ELF2: variants seen among roughly 807,000 people sequenced by gnomAD.
The protein encoded by ELF2 is E74 like ETS transcription factor 2.
Under a neutral mutation model 54.8 loss-of-function variants are expected in ELF2, and 11 were observed. The observed-to-expected ratio is 0.20, with a 90% CI of 0.13 to 0.33. The LOEUF is 0.33. Among genes scored for constraint, ELF2 ranks in the 10% least tolerant of loss-of-function variants. The pLI is 1.00. For synonymous variants in ELF2, 203 were observed against 245.1 expected, an observed-to-expected ratio of 0.83 and a Z score of 1.61; for missense variants, 513 against 703.0, an observed-to-expected ratio of 0.73 and a Z score of 3.06.
At chr4:139,112,916 T>A (rs569662765) in intron 4 of ELF2, among the ~76,000 whole-genome samples, 12 of 151,582 alleles carry the variant, frequency 7.9e-5, no homozygotes, top group East Asian at 2.0e-4. Context: ...ATAAAAAAAA[T>A]TTTTTAAGTC....
At chr4:139,151,677 G>A (rs1191725297) in intron 1 of ELF2, among the ~76,000 whole-genome samples, 1 of 152,090 alleles carries the variant, frequency 6.6e-6, no homozygotes, top group Non-Finnish European at 1.5e-5. Flanking sequence ...TATATAACTA[G>A]GGTCCAAAGA....
chr4:139,171,085 G>C (rs1365574648), intron 1 of ELF2, among the ~76,000 whole-genome samples: 2 of 152,090 alleles, frequency 1.3e-5, no homozygotes, highest in African/African-American at 4.8e-5. Flanking sequence ...GATCTGAATA[G>C]TGATGTCATC....
At chr4:139,129,670 A>G (rs568701809) in intron 3 of ELF2, among the ~76,000 whole-genome samples, 109 of 152,332 alleles carry the variant, frequency 7.2e-4, no homozygotes, top group Non-Finnish European at 1.4e-3. Flanking sequence ...AGTTCTTAGC[A>G]TAGTATAAGT....
chr4:139,160,712 T>C (rs564094384), intron 1 of ELF2, among the ~76,000 whole-genome samples: 5 of 152,100 alleles, frequency 3.3e-5, no homozygotes, highest in Admixed American at 6.6e-5. Flanking sequence ...CCTGTAATTC[T>C]AGTATTTTGG....
At chr4:139,170,327 C>T (rs914074709) in intron 1 of ELF2, among the ~76,000 whole-genome samples, 1 of 127,854 alleles carries the variant, frequency 7.8e-6, no homozygotes, top group African/African-American at 3.1e-5. Context: ...TGCAGTGGTG[C>T]GATCTCGGCT....
intron 4 of ELF2, among the ~76,000 whole-genome samples, chr4:139,121,157 G>A (rs1293770498): frequency 7.7e-6 from 1 of 130,320 alleles, no homozygotes; most frequent in East Asian, 2.2e-4. Flanking sequence ...CGCCCAGGCT[G>A]GAGTGCAGTG....
chr4:139,084,126 T>TC, intron 4 of ELF2: 1 of 1,613,390 alleles, frequency 6.2e-7, no homozygotes, highest in Non-Finnish European at 8.5e-7. Flanking sequence ...AGTTCCCCTG[T>TC]CCTTACCGGC....
chr4:139,165,776 G>A (rs542235498), intron 1 of ELF2, among the ~76,000 whole-genome samples: 1 of 152,270 alleles, frequency 6.6e-6, no homozygotes, highest in South Asian at 2.1e-4. Flanking sequence ...ACTAAATCAG[G>A]CTTGATATGC....
intron 3 of ELF2, among the ~76,000 whole-genome samples, chr4:139,132,032 G>C (rs1266076645): frequency 6.6e-6 from 1 of 152,170 alleles, no homozygotes; most frequent in Non-Finnish European, 1.5e-5. Flanking sequence ...TAAAAGTCTG[G>C]AAAAAATACA....
At chr4:139,101,038 T>C (rs1733832394) in intron 4 of ELF2, among the ~76,000 whole-genome samples, 3 of 152,192 alleles carry the variant, frequency 2.0e-5, no homozygotes, top group Non-Finnish European at 2.9e-5. Context: ...TGGGAGAAGG[T>C]AGGAAAAGGT....
chr4:139,080,179 T>C (rs1182401099), intron 4 of ELF2, among the ~76,000 whole-genome samples: 2 of 152,246 alleles, frequency 1.3e-5, no homozygotes, highest in East Asian at 1.9e-4. Context: ...ATGATTCTGA[T>C]TGGCTATTTA....
chr4:139,078,009 C>T (rs1448048927), intron 4 of ELF2, among the ~76,000 whole-genome samples: 2 of 152,076 alleles, frequency 1.3e-5, no homozygotes, highest in Admixed American at 1.3e-4. Flanking sequence ...TATTACAGTA[C>T]CAAAAATAAT....
intron 1 of ELF2, among the ~76,000 whole-genome samples, chr4:139,151,032 AAAAGAAAGAAAG>A (rs71600182): frequency 0.037 from 3,817 of 102,504 alleles, 180 homozygotes; most frequent in South Asian, 0.067. Context: ...TCAAAAAAAA[AAAAGAAAGAAAG>A]AAAGAAAGAA....
intron 4 of ELF2, among the ~76,000 whole-genome samples, chr4:139,114,105 TTAAG>T (rs1300822655): frequency 1.3e-5 from 2 of 152,190 alleles, no homozygotes; most frequent in African/African-American, 4.8e-5. Context: ...GTTATACTAA[TTAAG>T]TGATATTCAA....
intron 4 of ELF2, among the ~76,000 whole-genome samples, chr4:139,117,214 T>C (rs1735808950): frequency 6.6e-6 from 1 of 152,220 alleles, no homozygotes; most frequent in South Asian, 2.1e-4. Context: ...CAATGTTTAT[T>C]AAAATTAGCA....
intron 4 of ELF2, chr4:139,115,127 A>G: frequency 2.5e-6 from 4 of 1,613,704 alleles, no homozygotes; most frequent in Non-Finnish European, 3.4e-6. Context: ...TGGCAGTCGT[A>G]GAGGCGCGTG....
upstream of ELF2, among the ~76,000 whole-genome samples, chr4:139,177,817 A>G (rs1244980386): frequency 6.6e-6 from 1 of 152,128 alleles, no homozygotes; most frequent in Non-Finnish European, 1.5e-5. Context: ...ACGGCCCCAC[A>G]GTCGGGCAGT....
chr4:139,084,007 G>A (rs1731578995), intron 4 of ELF2: 2 of 1,468,420 alleles, frequency 1.4e-6, no homozygotes, highest in East Asian at 2.4e-5. Context: ...TCCCCCAGCC[G>A]CCCCAGTGAC....
chr4:139,076,881 T>TTA (rs1265134866), intron 4 of ELF2, among the ~76,000 whole-genome samples: 5 of 152,034 alleles, frequency 3.3e-5, no homozygotes, highest in Admixed American at 3.3e-4. Flanking sequence ...ATTCAACATA[T>TTA]TATATCTCAG....
Sources: allele counts gnomAD v4.1 joint callset (sites outside exome capture counted in the v4.1 genomes callset), GRCh38; gene constraint gnomAD v4.1.1; transcripts MANE v1.5; gene names NCBI Gene and HGNC (gene_info 2026-07-23, HGNC 2026-07-21).